Variants in GSPT1 observed in about 807,000 individuals in gnomAD.
GSPT1 encodes the protein eukaryotic peptide chain release factor GTP-binding subunit ERF3A.
A neutral mutation model predicts 72.5 loss-of-function variants in GSPT1; 20 were observed. That is an observed-to-expected ratio of 0.28 (90% confidence interval 0.19 to 0.40). The LOEUF is 0.40. Among genes scored for constraint, GSPT1 ranks in the 10% least tolerant of loss-of-function variants. GSPT1 has a pLI of 1.00. For missense variants in GSPT1, 580 were observed against 811.9 expected (o/e 0.71, Z 3.47); for synonymous variants, 334 against 293.5 (o/e 1.14, Z -1.41).
At chr16:11,895,299 C>T (rs899787942) in intron 4 of GSPT1, 15 of 200,246 alleles carry the variant, frequency 7.5e-5, no homozygotes, top group East Asian at 5.0e-4. Flanking sequence ...GGCGTGGTGG[C>T]GGCCGCCTGT....
intron 4 of GSPT1, chr16:11,895,631 T>G (rs192143903): frequency 2.0e-5 from 3 of 151,958 alleles, no homozygotes; most frequent in Non-Finnish European, 2.9e-5. Context: ...CCTTTACACC[T>G]TTTTTTCCCC....
chr16:11,910,987 G>A (rs953662279), intron 1 of GSPT1, among the ~76,000 whole-genome samples: 1 of 152,166 alleles, frequency 6.6e-6, no homozygotes, highest in African/African-American at 2.4e-5. Flanking sequence ...GGTCAGCCAT[G>A]GCAGGAGAAG....
At chr16:11,900,866 G>GTT (rs1308139020) in intron 1 of GSPT1, among the ~76,000 whole-genome samples, 1 of 151,928 alleles carries the variant, frequency 6.6e-6, no homozygotes, top group Non-Finnish European at 1.5e-5. Flanking sequence ...ACAATGGATT[G>GTT]TAAGTTGCAA....
chr16:11,893,116 T>TG (rs929286788), intron 5 of GSPT1, among the ~76,000 whole-genome samples: 2 of 151,096 alleles, frequency 1.3e-5, no homozygotes, highest in Non-Finnish European at 3.0e-5. Context: ...AAATATAAGG[T>TG]GGGCATGGTG....
chr16:11,915,322 G>GGGCTCC, intron 1 of GSPT1, 47 bp downstream of exon 1: 3 of 1,421,546 alleles, frequency 2.1e-6, no homozygotes, highest in Non-Finnish European at 2.7e-6. Flanking sequence ...TACGCCATGT[G>GGGCTCC]GGCTCCGGCG....
chr16:11,890,867 G>C (rs1390131622), intron 6 of GSPT1, 195 bp downstream of exon 6: 2 of 394,378 alleles, frequency 5.1e-6, no homozygotes, highest in African/African-American at 4.2e-5. Context: ...TATATGGATT[G>C]TTTCCAAATT....
intron 1 of GSPT1, among the ~76,000 whole-genome samples, chr16:11,906,563 G>C (rs988780801): frequency 3.3e-5 from 5 of 152,174 alleles, no homozygotes; most frequent in Non-Finnish European, 7.3e-5. Flanking sequence ...AAGCCCAGGA[G>C]GTTGAGGCCA....
At chr16:11,894,155 C>CAAAAAAAAAAAAAAAAAAA (rs57226427) in intron 5 of GSPT1, among the ~76,000 whole-genome samples, 1 of 42,662 alleles carries the variant, frequency 2.3e-5, no homozygotes, top group African/African-American at 8.8e-5. Context: ...GACCCTATCT[C>CAAAAAAAAAAAAAAAAAAA]AAAAAAAAAA....
intron 1 of GSPT1, among the ~76,000 whole-genome samples, chr16:11,909,725 G>C (rs2054533337): frequency 6.6e-6 from 1 of 152,156 alleles, no homozygotes; most frequent in East Asian, 1.9e-4. Context: ...AAGAGTTCGA[G>C]ACCAGCCTGG....
intron 5 of GSPT1, among the ~76,000 whole-genome samples, chr16:11,892,377 C>A (rs2054272781): frequency 6.6e-6 from 1 of 151,656 alleles, no homozygotes; most frequent in Non-Finnish European, 1.5e-5. Context: ...GGTGTGATGG[C>A]TCATGCCTGT....
At chr16:11,890,325 CGCACCA>C (rs2054243107) in intron 6 of GSPT1, among the ~76,000 whole-genome samples, 2 of 152,124 alleles carry the variant, frequency 1.3e-5, no homozygotes, top group Non-Finnish European at 2.9e-5. Context: ...AAGCCACTAA[CGCACCA>C]TGTGGGAGCA....
At position 11,869,484 on chromosome 16, in the gene GSPT1, T is replaced by C. The variant is rs1269310085; in HGVS notation, c.*3635A>G. ...TTACCTATGTCTGTGAAAGGATTAA[T>C]GGCACAGTTTGATAAGGTAAGCCAA... On this transcript the variant is annotated 3_prime_UTR_variant, in exon 15 of 15. Transcript: ENST00000434724. 1.3e-5 allele frequency: 2 copies of C among 152,236 alleles called. No homozygotes were observed. The highest frequency in any genetic ancestry group is 6.5e-5 in the Admixed American group (1 of 15,276). 9.4% of individuals were successfully genotyped at this position (152,236 alleles called of 1,614,324 possible). A position where few individuals can be genotyped will look rare whatever the true frequency, so the allele number is the denominator to read the frequency against.
Position 11,909,555 on chromosome 16 carries a change from C to T in GSPT1, c.352+5814G>A, listed in dbSNP as rs33626. Among the ~76,000 whole-genome samples the T allele has an allele frequency of 6.9e-3, 1,052 of 152,298 alleles. 11 individuals are homozygous for T. Among genetic ancestry groups the T allele is most frequent in the Non-Finnish European group, 6.5e-3 (445 of 68,030 alleles). On this transcript the variant is annotated intron_variant, in intron 1 of 14. Coordinates refer to ENST00000434724, the MANE Select transcript of GSPT1 (RefSeq NM_002094.4). ...AGACTCATAGTAACTGAACTCACTG[C>T]TGTTTAATACGAAATAGACAAGTAC...
chr16:11,871,892 A>G lies in GSPT1; in HGVS notation c.*1227T>C, dbSNP rs577855399. On this transcript the variant is annotated 3_prime_UTR_variant, in exon 15 of 15. Transcript: ENST00000434724. ...CACAATGCTGCACTGTGGTTCATCA[A>G]AAACATGGTTAGCAAATTTCAGCTT... 1.3e-5 allele frequency: 2 copies of G among 152,348 alleles called. No homozygotes were observed. The highest frequency in any genetic ancestry group is 1.3e-4 in the Admixed American group (2 of 15,298). 9.4% of individuals were successfully genotyped at this position (152,348 alleles called of 1,614,324 possible).
intron 10 of GSPT1, 106 bp downstream of exon 10, chr16:11,885,075 A>G: frequency 3.2e-6 from 2 of 630,484 alleles, no homozygotes; most frequent in Non-Finnish European, 5.7e-6. Context: ...GTCAAAAAAA[A>G]AACAAGAAAG....
At chr16:11,882,776 G>C (rs2054137145) in intron 11 of GSPT1, among the ~76,000 whole-genome samples, 1 of 151,630 alleles carries the variant, frequency 6.6e-6, no homozygotes, top group Non-Finnish European at 1.5e-5. Context: ...TCAACATAGT[G>C]AGACCCCATC....
At chr16:11,909,537 T>A (rs113971798) in intron 1 of GSPT1, among the ~76,000 whole-genome samples, 2 of 152,170 alleles carry the variant, frequency 1.3e-5, no homozygotes, top group African/African-American at 4.8e-5. Flanking sequence ...GCCAGACTCA[T>A]AGTAACTGAA....
intron 5 of GSPT1, among the ~76,000 whole-genome samples, chr16:11,892,354 AAAAAT>A (rs1294477447): frequency 1.4e-5 from 2 of 145,056 alleles, no homozygotes; most frequent in African/African-American, 2.6e-5. Context: ...AAAAAAAACA[AAAAAT>A]CAGGCCAGGT....
Position 11,875,882 on chromosome 16 carries a change from G to C in GSPT1, c.1740C>G (p.Thr580=). 1 of 1,613,482 alleles carries C rather than the reference G, an allele frequency of 6.2e-7. No homozygotes were observed. Among genetic ancestry groups the C allele is most frequent in the Non-Finnish European group, 8.5e-7 (1 of 1,179,788 alleles). The change falls in exon 14 of 15, where the codon ACC becomes ACG. Residue 580 remains threonine, a synonymous_variant. Transcript: ENST00000434724. ...VDKKSGEKSK[T]RPRFVKQDQV... Reference sequence around the variant, plus strand: ...GATCTTGTTTGACAAAACGGGGTCGGGTCTTACTTTTTTCTCCTGATTTTT... The same window carrying C: ...GATCTTGTTTGACAAAACGGGGTCGCGTCTTACTTTTTTCTCCTGATTTTT...
Sources: allele counts gnomAD v4.1 joint callset (sites outside exome capture counted in the v4.1 genomes callset), GRCh38; gene constraint gnomAD v4.1.1; transcripts MANE v1.5; gene names NCBI Gene and HGNC (gene_info 2026-07-23, HGNC 2026-07-21).